The following CC2D2A variants were observed in gnomAD, a reference collection of about 807,000 sequenced individuals.
CC2D2A encodes coiled-coil and C2 domain-containing protein 2A.
Under a neutral mutation model 212.9 loss-of-function variants are expected in CC2D2A, and 155 were observed. That is an observed-to-expected ratio of 0.73 (90% CI 0.64 to 0.83). CC2D2A has a LOEUF of 0.83. Ranked by LOEUF, CC2D2A falls within the 40% of genes least tolerant of loss-of-function variation. The pLI is 0.00. For missense variants in CC2D2A, 1,856 were observed against 1,956.2 expected (o/e 0.95, Z 0.97); for synonymous variants, 667 against 686.5 (o/e 0.97, Z 0.44).
Position 15,580,074 on chromosome 4 carries a change from T to C in CC2D2A, c.3878T>C (p.Ile1293Thr), listed in dbSNP as rs769895608. The part of the protein sequence containing the change: ...NRQCLTTVID[I>T]SGKTVFITRY... The stretch of plus-strand genomic sequence containing the variant: ...CAGTGCCTTACAACAGTAATTGATA[T>C]AAGCGGAAAAACTGTTTTTATCACA... Residue 1293 changes from isoleucine to threonine, a missense_variant, in exon 30 of 37, where the codon ATA becomes ACA. Physicochemically the swap from Ile to Thr is moderately conservative, Grantham distance 89. Coordinates refer to ENST00000424120, the MANE Select transcript of CC2D2A (RefSeq NM_001378615.1). 1 of 1,613,968 alleles carries C rather than the reference T, an allele frequency of 6.2e-7. No individual in the cohort carries two copies. The highest frequency in any genetic ancestry group is 8.5e-7 in the Non-Finnish European group (1 of 1,179,848).
chr4:15,535,419 A>T (rs1475130946), intron 14 of CC2D2A, among the ~76,000 whole-genome samples: 1 of 152,130 alleles, frequency 6.6e-6, no homozygotes, highest in Non-Finnish European at 1.5e-5. Flanking sequence ...CCATAAGGTC[A>T]TAACACTCCT....
chr4:15,520,539 G>T (rs1717143192), intron 11 of CC2D2A, among the ~76,000 whole-genome samples: 1 of 152,180 alleles, frequency 6.6e-6, no homozygotes, highest in Non-Finnish European at 1.5e-5. Flanking sequence ...AATATGGAGG[G>T]TAGGGCATGA....
chr4:15,571,789 C>G (rs551711392), intron 28 of CC2D2A, among the ~76,000 whole-genome samples: 67 of 152,224 alleles, frequency 4.4e-4, no homozygotes, highest in African/African-American at 1.5e-3. Context: ...AAAAAAAATT[C>G]AAGAGCACAT....
At chr4:15,480,927 C>T (rs1412597867) in intron 4 of CC2D2A, 100 bp downstream of exon 4, 4 of 1,388,004 alleles carry the variant, frequency 2.9e-6, no homozygotes, top group Non-Finnish European at 3.9e-6. Flanking sequence ...ATTTTTCATG[C>T]ATTGCCACTG....
chr4:15,520,471 A>T (rs763532912), intron 11 of CC2D2A, among the ~76,000 whole-genome samples: 2 of 152,242 alleles, frequency 1.3e-5, no homozygotes, highest in African/African-American at 2.4e-5. Flanking sequence ...CATTCCATTA[A>T]ACACAGATAT....
At position 15,559,268 on chromosome 4, in the gene CC2D2A, T is replaced by C; in HGVS notation, c.2922+11T>C. On this transcript the variant is annotated intron_variant, in intron 22 of 36. Transcript: ENST00000424120. ...AAGTACCTCCAGCAGGTAAGAAAAA[T>C]CATATAAAACTGTCTTCATAGGGAG... is the stretch of plus-strand genomic sequence containing the variant. 1 of 1,522,054 alleles carries C rather than the reference T, an allele frequency of 6.6e-7. No homozygotes were observed. The highest frequency in any genetic ancestry group is 1.2e-5 in the South Asian group (1 of 83,156). 94.3% of individuals were successfully genotyped at this position (1,522,054 alleles called of 1,614,324 possible). A position where few individuals can be genotyped will look rare whatever the true frequency, so the allele number is the denominator to read the frequency against.
At chr4:15,499,109 G>T (rs965561906) in intron 4 of CC2D2A, among the ~76,000 whole-genome samples, 2 of 152,274 alleles carry the variant, frequency 1.3e-5, no homozygotes, top group South Asian at 4.1e-4. Context: ...AAGTAGAGGG[G>T]AGGGAGGGCT....
intron 11 of CC2D2A, among the ~76,000 whole-genome samples, chr4:15,519,015 C>T (rs894040883): frequency 1.4e-4 from 22 of 152,346 alleles, no homozygotes; most frequent in African/African-American, 4.8e-4. Flanking sequence ...CAAATTTCTA[C>T]AGCCGGTTTG....
intron 13 of CC2D2A, 58 bp downstream of exon 13, chr4:15,528,784 G>C: frequency 8.2e-7 from 1 of 1,225,078 alleles, no homozygotes; most frequent in Non-Finnish European, 1.2e-6. Context: ...GCACTTGTTA[G>C]AGTTTATTTT....
chr4:15,552,497 A>G (rs1719055766), intron 18 of CC2D2A, among the ~76,000 whole-genome samples: 1 of 152,066 alleles, frequency 6.6e-6, no homozygotes, highest in African/African-American at 2.4e-5. Context: ...TTTTCTATAT[A>G]CCTTCCCTAA....
At chr4:15,560,081 C>T (rs1719495188) in intron 22 of CC2D2A, among the ~76,000 whole-genome samples, 1 of 139,462 alleles carries the variant, frequency 7.2e-6, no homozygotes, top group African/African-American at 2.6e-5. Flanking sequence ...ATCCACCCAC[C>T]TTGGCCTCTC....
Position 15,514,702 on chromosome 4 carries a change from T to A in CC2D2A, c.718-5T>A. The A allele has an allele frequency of 6.6e-7, 1 of 1,512,780 alleles. No individual in the cohort carries two copies. The highest frequency in any genetic ancestry group is 8.9e-7 in the Non-Finnish European group (1 of 1,121,982). The allele number at this position is 1,512,780 out of a possible 1,614,324, so 93.7% of individuals were successfully genotyped here. A position where few individuals can be genotyped will look rare whatever the true frequency, so the allele number is the denominator to read the frequency against. ...TTTTTCTTGTTACTTTTTAACATTA[T>A]GCAGGATGAGGAAGAACTGCTTAAT... On this transcript the variant is annotated splice_polypyrimidine_tract_variant and splice_region_variant and intron_variant, in intron 8 of 36. Coordinates refer to ENST00000424120, the MANE Select transcript of CC2D2A (RefSeq NM_001378615.1).
intron 4 of CC2D2A, among the ~76,000 whole-genome samples, chr4:15,485,314 C>CT (rs887713795): frequency 2.6e-5 from 4 of 152,166 alleles, no homozygotes; most frequent in African/African-American, 4.8e-5. Context: ...AAATTTCATT[C>CT]TTTTTTATGG....
chr4:15,553,362 C>G (rs1307362117), intron 19 of CC2D2A, 57 bp downstream of exon 19: 1 of 1,556,372 alleles, frequency 6.4e-7, no homozygotes, highest in Non-Finnish European at 8.8e-7. Flanking sequence ...TTAAAGATAC[C>G]CAAGGGGAAA....
intron 7 of CC2D2A, among the ~76,000 whole-genome samples, chr4:15,510,575 G>A (rs992965282): frequency 6.6e-6 from 1 of 152,176 alleles, no homozygotes; most frequent in Non-Finnish European, 1.5e-5. Context: ...CAGCCTGGGT[G>A]ACAGAGTGAG....
intron 29 of CC2D2A, among the ~76,000 whole-genome samples, chr4:15,578,773 G>A (rs764098026): frequency 2.8e-4 from 43 of 151,492 alleles, no homozygotes; most frequent in Non-Finnish European, 4.9e-4. Context: ...CTACAAGCAC[G>A]CATCACTACA....
At position 15,537,122 on chromosome 4, in the gene CC2D2A, G is replaced by A. The variant is rs772272635; in HGVS notation, c.1764+46G>A. On this transcript the variant is annotated intron_variant, in intron 15 of 36. Transcript: ENST00000424120. Reference sequence around the variant, plus strand: ...CCTGGAATAGGGCTGGCCAGGAAGTGTCTGGGAGGGCAGCCTCCAGTACAG... The same window carrying A: ...CCTGGAATAGGGCTGGCCAGGAAGTATCTGGGAGGGCAGCCTCCAGTACAG... 6 of 1,577,566 alleles carry A rather than the reference G, an allele frequency of 3.8e-6. No individual in the cohort carries two copies. In the South Asian group the frequency reaches 5.8e-5, roughly 15 times the overall value.
At chr4:15,552,096 A>C (rs897410405) in intron 18 of CC2D2A, among the ~76,000 whole-genome samples, 1 of 152,218 alleles carries the variant, frequency 6.6e-6, no homozygotes, top group South Asian at 2.1e-4. Context: ...GAGTTACTTC[A>C]TTTAGTGCTT....
chr4:15,576,282 T>C (rs1375000958), intron 29 of CC2D2A: 1 of 535,164 alleles, frequency 1.9e-6, no homozygotes, highest in Non-Finnish European at 2.4e-6. Flanking sequence ...AGTGATTCAC[T>C]TGCAGACAAT....
Sources: gnomAD v4.1 joint callset for allele counts (sites outside exome capture counted in the v4.1 genomes callset) on GRCh38, gnomAD v4.1.1 for gene constraint, MANE v1.5 for transcripts, NCBI Gene and HGNC (gene_info 2026-07-23, HGNC 2026-07-21) for gene names.